Variants in METTL8 observed in about 807,000 individuals in gnomAD.
METTL8 encodes the protein methyltransferase 8, tRNA N3-cytidine.
Under a neutral mutation model 48.7 loss-of-function variants are expected in METTL8, and 32 were observed. That is an observed-to-expected ratio of 0.66 (90% CI 0.50 to 0.88). The LOEUF is 0.88. METTL8 is among the 40% of genes least tolerant of loss of function. METTL8 has a pLI of 0.00. For missense variants in METTL8, 464 were observed against 474.4 expected, an observed-to-expected ratio of 0.98 and a Z score of 0.20; for synonymous variants, 136 against 157.1, an observed-to-expected ratio of 0.87 and a Z score of 1.01.
intron 1 of METTL8, among the ~76,000 whole-genome samples, chr2:171,422,130 G>T (rs182726640): frequency 2.6e-4 from 39 of 152,056 alleles, no homozygotes; most frequent in African/African-American, 8.9e-4. Flanking sequence ...ATCACCCCAG[G>T]GACAGAAAAA....
rs1685817695 is a variant in METTL8 at position 171,367,167 on chromosome 2, AAAG to A, written c.144-6657_144-6655del. Among the ~76,000 whole-genome samples the A allele has an allele frequency of 2.6e-5, 4 of 152,252 alleles. No homozygotes were observed. The South Asian group carries it at 8.3e-4, about 32-fold the overall frequency. On this transcript the variant is annotated intron_variant, in intron 2 of 9. Transcript: ENST00000375258. ...TTCCAAATTTGAAGATAAAAAGAAGAAAGAAGAAAAAGAAATACTCAATAGATC... is the reference window on the plus strand; with the variant it reads ...TTCCAAATTTGAAGATAAAAAGAAGAAAGAAAAAGAAATACTCAATAGATC...
At chr2:171,415,861 G>A (rs553436937) in intron 1 of METTL8, among the ~76,000 whole-genome samples, 1 of 152,298 alleles carries the variant, frequency 6.6e-6, no homozygotes, top group South Asian at 2.1e-4. Context: ...AATGTCCAGA[G>A]AAGAGTTGCT....
chr2:171,363,370 C>G (rs1685360772), intron 2 of METTL8, among the ~76,000 whole-genome samples: 1 of 151,984 alleles, frequency 6.6e-6, no homozygotes, highest in African/African-American at 2.4e-5. Flanking sequence ...AACCCAACAG[C>G]TGACAATAAG....
At chr2:171,328,082 G>A (rs1351049628) in intron 7 of METTL8, among the ~76,000 whole-genome samples, 2 of 152,112 alleles carry the variant, frequency 1.3e-5, no homozygotes, top group East Asian at 1.9e-4. Context: ...TGCAGTTCCC[G>A]AGCCAATTCC....
intron 1 of METTL8, among the ~76,000 whole-genome samples, chr2:171,406,673 G>A (rs1159477590): frequency 1.3e-5 from 2 of 152,130 alleles, no homozygotes; most frequent in Non-Finnish European, 2.9e-5. Context: ...ACATTGTGGG[G>A]TAGGCCTTCA....
intron 2 of METTL8, among the ~76,000 whole-genome samples, chr2:171,362,362 T>C (rs1685249553): frequency 6.6e-6 from 1 of 152,034 alleles, no homozygotes; most frequent in Non-Finnish European, 1.5e-5. Context: ...GTAAGAGTCA[T>C]GAATGATTCT....
At chr2:171,422,410 T>C (rs1366979345) in intron 1 of METTL8, among the ~76,000 whole-genome samples, 1 of 152,238 alleles carries the variant, frequency 6.6e-6, no homozygotes, top group Non-Finnish European at 1.5e-5. Context: ...TAAGAGGATA[T>C]CTTTATGACC....
At chr2:171,326,670 C>T (rs893269422) in intron 7 of METTL8, among the ~76,000 whole-genome samples, 1 of 152,076 alleles carries the variant, frequency 6.6e-6, no homozygotes, top group African/African-American at 2.4e-5. Context: ...TTCCACTGTC[C>T]TCTCCATGTG....
intron 1 of METTL8, among the ~76,000 whole-genome samples, chr2:171,404,051 TCATATATATATATATATATATATATA>T (rs2105600737): frequency 2.5e-5 from 1 of 39,240 alleles, no homozygotes; most frequent in African/African-American, 1.2e-4. Context: ...CTATGCTTTC[TCATATATATATATATATATATATATA>T]TATATATATA....
At chr2:171,356,854 T>G (rs1414770788) in intron 3 of METTL8, among the ~76,000 whole-genome samples, 1 of 151,210 alleles carries the variant, frequency 6.6e-6, no homozygotes, top group Non-Finnish European at 1.5e-5. Context: ...TTTTACATAA[T>G]ACTGGAAGTC....
chr2:171,379,429 A>G (rs773944819), intron 2 of METTL8, among the ~76,000 whole-genome samples: 12 of 151,044 alleles, frequency 7.9e-5, no homozygotes, highest in Non-Finnish European at 1.3e-4. Flanking sequence ...TGAAGGAGAT[A>G]GAGACACAAA....
At chr2:171,409,195 T>C (rs763098974) in intron 1 of METTL8, among the ~76,000 whole-genome samples, 4 of 152,204 alleles carry the variant, frequency 2.6e-5, no homozygotes, top group Non-Finnish European at 5.9e-5. Flanking sequence ...AGTTCATGAT[T>C]TTTTAGGGAA....
At chr2:171,331,942 G>A in intron 5 of METTL8, 75 bp from the exon 6 acceptor site, 1 of 1,071,790 alleles carries the variant, frequency 9.3e-7, no homozygotes, top group South Asian at 1.4e-5. Flanking sequence ...TTGGAGTGTA[G>A]TAACGTGACC....
chr2:171,401,555 CTACATGA>C (rs1689642065), intron 1 of METTL8, among the ~76,000 whole-genome samples: 1 of 152,104 alleles, frequency 6.6e-6, no homozygotes, highest in African/African-American at 2.4e-5. Flanking sequence ...TGAATGGTGG[CTACATGA>C]TACACTCACT....
At chr2:171,434,690 C>T, upstream of METTL8, 1 of 1,495,190 alleles carries the variant, frequency 6.7e-7, no homozygotes. Flanking sequence ...ATCCTGCGGG[C>T]GCTGGTGTGC....
At chr2:171,386,471 T>G (rs1284518453) in intron 2 of METTL8, among the ~76,000 whole-genome samples, 1 of 152,188 alleles carries the variant, frequency 6.6e-6, no homozygotes, top group African/African-American at 2.4e-5. Flanking sequence ...TTTAAAAATA[T>G]ATTTTATTTA....
chr2:171,365,194 C>T (rs921272867), intron 2 of METTL8, among the ~76,000 whole-genome samples: 1 of 152,036 alleles, frequency 6.6e-6, no homozygotes. Context: ...ACAGGTTGCT[C>T]GGGGAAATAA....
chr2:171,334,547 G>C (rs576676166), intron 5 of METTL8, among the ~76,000 whole-genome samples: 1 of 152,038 alleles, frequency 6.6e-6, no homozygotes, highest in Admixed American at 6.6e-5. Context: ...TTCTGAAAAT[G>C]TAAAACATTA....
At position 171,345,694 on chromosome 2, in the gene METTL8, T is replaced by C. The variant is rs561056759; in HGVS notation, c.236-6140A>G. Among the ~76,000 whole-genome samples, 7 of 152,316 alleles carry C rather than the reference T, an allele frequency of 4.6e-5. No individual in the cohort carries two copies. The South Asian group carries it at 1.4e-3, about 32-fold the overall frequency. ...GTGAGACTCATTCTTTTGCTTGACA[T>C]AGATAACTTTCCATAGGTAGATAGT... On this transcript the variant is annotated intron_variant, in intron 3 of 9. Coordinates refer to ENST00000375258, the MANE Select transcript of METTL8 (RefSeq NM_001321154.2).
Sources: allele counts gnomAD v4.1 joint callset (sites outside exome capture counted in the v4.1 genomes callset), GRCh38; gene constraint gnomAD v4.1.1; transcripts MANE v1.5; gene names NCBI Gene and HGNC (gene_info 2026-07-23, HGNC 2026-07-21).